Variants in DCTD observed in about 807,000 individuals in gnomAD.
DCTD encodes dCMP deaminase, also known as deoxycytidylate deaminase.
Under a neutral mutation model 21.0 loss-of-function variants are expected in DCTD, and 23 were observed. The ratio of observed to expected loss-of-function variants is 1.09; its 90% CI spans 0.79 to 1.55. DCTD has a LOEUF of 1.55. Ranked by LOEUF, DCTD falls within the 40% of genes most tolerant of loss-of-function variation. DCTD has a pLI of 0.00. For synonymous variants in DCTD, 71 were observed against 81.1 expected, an observed-to-expected ratio of 0.88 and a Z score of 0.67; for missense variants, 224 against 230.0, an observed-to-expected ratio of 0.97 and a Z score of 0.17.
intron 3 of DCTD, among the ~76,000 whole-genome samples, chr4:182,912,098 G>A (rs1034133639): frequency 6.6e-6 from 1 of 151,580 alleles, no homozygotes; most frequent in Non-Finnish European, 1.5e-5. Context: ...TCCAACTCCA[G>A]GCAGTATCCC....
At chr4:182,910,664 T>C (rs896086610) in intron 3 of DCTD, among the ~76,000 whole-genome samples, 3 of 152,224 alleles carry the variant, frequency 2.0e-5, no homozygotes. Flanking sequence ...TCCTGCCACT[T>C]AATGTTACTG....
At chr4:182,915,407 C>G (rs1008824700) in intron 2 of DCTD, 54 bp downstream of exon 2, 2 of 1,172,736 alleles carry the variant, frequency 1.7e-6, no homozygotes, top group Non-Finnish European at 2.6e-6. Context: ...TGCTCATGTG[C>G]AGTAATCTCT....
At chr4:182,908,073 G>C (rs189220582) in intron 3 of DCTD, among the ~76,000 whole-genome samples, 1 of 151,442 alleles carries the variant, frequency 6.6e-6, no homozygotes, top group African/African-American at 2.4e-5. Context: ...AAAGTAAAAA[G>C]CAATACAAAC....
intron 3 of DCTD, among the ~76,000 whole-genome samples, chr4:182,897,850 C>T (rs941643913): frequency 2.0e-5 from 3 of 152,210 alleles, no homozygotes; most frequent in Non-Finnish European, 4.4e-5. Flanking sequence ...TCCCAGCTGC[C>T]GCCTGTTGTG....
At chr4:182,902,614 G>A (rs1735937265) in intron 3 of DCTD, among the ~76,000 whole-genome samples, 1 of 152,246 alleles carries the variant, frequency 6.6e-6, no homozygotes, top group African/African-American at 2.4e-5. Context: ...GCAGCCCTTA[G>A]TAACAGGACT....
intron 2 of DCTD, 98 bp from the exon 3 acceptor site, chr4:182,915,156 CA>C: frequency 6.8e-7 from 1 of 1,467,544 alleles, no homozygotes; most frequent in Admixed American, 1.7e-5. Context: ...GAACTCAAAA[CA>C]GACGCATAGC....
intron 3 of DCTD, among the ~76,000 whole-genome samples, chr4:182,913,609 G>A (rs561782174): frequency 6.6e-6 from 1 of 152,282 alleles, no homozygotes; most frequent in South Asian, 2.1e-4. Flanking sequence ...AAAGAAGAAA[G>A]GTCGTACATC....
chr4:182,895,403 A>G (rs1351156680), intron 3 of DCTD, among the ~76,000 whole-genome samples: 1 of 152,120 alleles, frequency 6.6e-6, no homozygotes, highest in Admixed American at 6.5e-5. Flanking sequence ...ACATTCATCC[A>G]CTTAAATGGC....
chr4:182,906,848 C>A (rs929480392), intron 3 of DCTD, among the ~76,000 whole-genome samples: 7 of 152,216 alleles, frequency 4.6e-5, no homozygotes, highest in Non-Finnish European at 1.0e-4. Flanking sequence ...AAAATTTACA[C>A]CTCCACTAAT....
intron 3 of DCTD, among the ~76,000 whole-genome samples, chr4:182,898,827 C>T (rs898607596): frequency 2.0e-5 from 3 of 152,270 alleles, no homozygotes; most frequent in African/African-American, 7.2e-5. Flanking sequence ...GTAAGGCATA[C>T]ATAATCCCCA....
chr4:182,898,660 G>A (rs781781862), intron 3 of DCTD, among the ~76,000 whole-genome samples: 3 of 152,060 alleles, frequency 2.0e-5, no homozygotes, highest in Admixed American at 6.5e-5. Flanking sequence ...CTCTCTGCTC[G>A]TTTTTCTTCT....
chr4:182,891,343 A>G lies in DCTD; in HGVS notation c.*56T>C, dbSNP rs1733704991. The G allele has an allele frequency of 8.0e-7, 1 of 1,252,654 alleles. No homozygotes were observed. The highest frequency in any genetic ancestry group is 1.2e-5 in the South Asian group (1 of 82,766). 77.6% of individuals were successfully genotyped at this position (1,252,654 alleles called of 1,614,324 possible). A position where few individuals can be genotyped will look rare whatever the true frequency, so the allele number is the denominator to read the frequency against. On this transcript the variant is annotated 3_prime_UTR_variant, in exon 6 of 6. Transcript: ENST00000438320. Reference sequence around the variant, plus strand: ...GTGTAACTTCAAGATGAAAGGCATTAGCAACCTCTTAGAAGACGATAATCC... The same window carrying G: ...GTGTAACTTCAAGATGAAAGGCATTGGCAACCTCTTAGAAGACGATAATCC...
chr4:182,898,276 T>C (rs1443036613), intron 3 of DCTD, among the ~76,000 whole-genome samples: 1 of 152,104 alleles, frequency 6.6e-6, no homozygotes, highest in Admixed American at 6.5e-5. Context: ...CTCTGTACTC[T>C]CCACCTCTGC....
rs6552619 is a variant in DCTD, at chr4:182,894,595, C to T, written c.255G>A (p.Ala85=). Residue 85 remains alanine (A), a synonymous_variant, in exon 4 of 6, where the codon GCG becomes GCA. Coordinates refer to ENST00000438320, the MANE Select transcript of DCTD (RefSeq NM_001921.3). The part of the protein sequence containing the change: ...LDTKYPYVCH[A]ELNAIMNKNS... Reference sequence around the variant, plus strand: ...TTTTGTTCATGATGGCATTCAGCTCCGCATGGCACACTGTGGGTTGAAAGG... The same window carrying T: ...TTTTGTTCATGATGGCATTCAGCTCTGCATGGCACACTGTGGGTTGAAAGG... 1.8e-4 allele frequency: 289 copies of T among 1,611,710 alleles called. 2 individuals carry two copies. The East Asian group carries it at 2.9e-3, about 16-fold the overall frequency.
intron 3 of DCTD, among the ~76,000 whole-genome samples, chr4:182,909,702 C>G (rs892355260): frequency 1.3e-5 from 2 of 152,198 alleles, no homozygotes; most frequent in Admixed American, 6.5e-5. Context: ...CTCCTAACTT[C>G]TTGATAAATT....
rs79078440 is a variant in DCTD at position 182,915,870 on chromosome 4, G to C, written c.-7-295C>G. ...TTTTTATGCCAGCCTACAAATTGTT[G>C]TGTCCTTTACCTGTCTCCCTTACAA... On this transcript the variant is annotated intron_variant, in intron 1 of 5. Transcript: ENST00000438320. 2,872 of 1,161,272 alleles carry C rather than the reference G, an allele frequency of 2.5e-3. 50 individuals are homozygous for C. The African/African-American group carries it at 0.042, about 17-fold the overall frequency. 71.9% of individuals were successfully genotyped at this position (1,161,272 alleles called of 1,614,324 possible).
intron 1 of DCTD, chr4:182,916,651 C>A: frequency 2.0e-6 from 2 of 1,007,754 alleles, no homozygotes; most frequent in South Asian, 3.4e-5. Flanking sequence ...AAGACAGGTG[C>A]TGAATCAGCC....
chr4:182,892,931 G>A, intron 5 of DCTD, 100 bp downstream of exon 5: 2 of 721,526 alleles, frequency 2.8e-6, no homozygotes, highest in African/African-American at 1.7e-5. Flanking sequence ...ACACCTCCAA[G>A]TGTGGAAGTC....
In DCTD at chr4:182,893,021, C is replaced by T. The variant is rs762133756; in HGVS notation, c.458+10G>A. On this transcript the variant is annotated intron_variant, in intron 5 of 5. Transcript: ENST00000438320. ...TACCCCGTCCCCCCGCCCGCATTCT[C>T]CCCACTTACCGGAATGTCACCCCGG... The T allele has an allele frequency of 1.9e-6, 3 of 1,584,066 alleles. No homozygotes were observed. The highest frequency in any genetic ancestry group is 1.7e-6 in the Non-Finnish European group (2 of 1,153,724).
Sources: gnomAD v4.1 joint callset for allele counts (sites outside exome capture counted in the v4.1 genomes callset) on GRCh38, gnomAD v4.1.1 for gene constraint, MANE v1.5 for transcripts, NCBI Gene and HGNC (gene_info 2026-07-23, HGNC 2026-07-21) for gene names.